XIRP2: variants seen among roughly 807,000 people sequenced by gnomAD.
XIRP2 encodes the protein xin actin-binding repeat-containing protein 2.
Under a neutral mutation model 277.0 loss-of-function variants are expected in XIRP2, and 236 were observed. The ratio of observed to expected loss-of-function variants is 0.85; its 90% confidence interval spans 0.77 to 0.95. The LOEUF is 0.95. Among genes scored for constraint, XIRP2 ranks in the 40% least tolerant of loss-of-function variants. The probability of loss-of-function intolerance (pLI) is 0.00; values close to 1 mark genes in which losing one functional copy is unlikely to be tolerated. For missense variants in XIRP2, 4,640 were observed against 4,157.5 expected (o/e 1.12, Z -3.19); for synonymous variants, 1,490 against 1,416.5 (o/e 1.05, Z -1.17).
At chr2:167,175,507 A>G (rs1692814674) in intron 3 of XIRP2, among the ~76,000 whole-genome samples, 1 of 152,018 alleles carries the variant, frequency 6.6e-6, no homozygotes, top group African/African-American at 2.4e-5. Context: ...CTTCCTCTGG[A>G]AGCTTCATCC....
At chr2:166,974,894 C>A (rs1686670669) in intron 2 of XIRP2, among the ~76,000 whole-genome samples, 1 of 151,898 alleles carries the variant, frequency 6.6e-6, no homozygotes, top group South Asian at 2.1e-4. Context: ...CTAAATGAAT[C>A]CTATTTTAAA....
intron 2 of XIRP2, among the ~76,000 whole-genome samples, chr2:166,937,514 T>C (rs1423526580): frequency 6.6e-6 from 1 of 152,194 alleles, no homozygotes; most frequent in African/African-American, 2.4e-5. Flanking sequence ...TTTTTGAGGA[T>C]TTTTGCATCG....
At chr2:167,201,845 T>G (rs1693730002) in intron 3 of XIRP2, among the ~76,000 whole-genome samples, 1 of 152,186 alleles carries the variant, frequency 6.6e-6, no homozygotes, top group African/African-American at 2.4e-5. Context: ...AATGTTATAT[T>G]TTAATGAAAA....
intron 2 of XIRP2, among the ~76,000 whole-genome samples, chr2:167,014,110 T>A (rs80329671): frequency 0.019 from 2,942 of 151,660 alleles, 98 homozygotes; most frequent in African/African-American, 0.067. Flanking sequence ...GATGCTCTTA[T>A]CCCCCTCTTT....
At chr2:167,083,669 A>G (rs550041457) in intron 2 of XIRP2, among the ~76,000 whole-genome samples, 28 of 152,222 alleles carry the variant, frequency 1.8e-4, no homozygotes, top group African/African-American at 6.5e-4. Context: ...CATCCCTTGT[A>G]AGTTGGATTC....
At chr2:167,226,732 A>T (rs1351637416) in intron 5 of XIRP2, among the ~76,000 whole-genome samples, 1 of 152,034 alleles carries the variant, frequency 6.6e-6, no homozygotes, top group Non-Finnish European at 1.5e-5. Flanking sequence ...TGCTACAGGG[A>T]TGTAGTGGTA....
intron 3 of XIRP2, among the ~76,000 whole-genome samples, chr2:167,180,360 T>C (rs1692978189): frequency 6.6e-6 from 1 of 152,140 alleles, no homozygotes; most frequent in African/African-American, 2.4e-5. Flanking sequence ...TATTAATCCT[T>C]ATCTAGGTCT....
Position 167,258,169 on chromosome 2 carries a change from T to C in XIRP2, c.*352T>C, listed in dbSNP as rs183508424. On this transcript the variant is annotated 3_prime_UTR_variant, in exon 11 of 11. Transcript: ENST00000409195. ...GAAAATTAAAAGTCATTTGGCCTCC[T>C]TCCAAGGAGATCCCTAAGAAAACCT... is the stretch of plus-strand genomic sequence containing the variant. 1.8e-4 allele frequency: 296 copies of C among 1,613,000 alleles called. No individual in the cohort carries two copies. In the African/African-American group the frequency reaches 3.7e-3, roughly 20 times the overall value.
At chr2:166,945,178 A>G (rs984920052) in intron 2 of XIRP2, among the ~76,000 whole-genome samples, 2 of 152,162 alleles carry the variant, frequency 1.3e-5, no homozygotes, top group African/African-American at 4.8e-5. Context: ...TTTGGAATAT[A>G]GTAGGTTACC....
intron 2 of XIRP2, among the ~76,000 whole-genome samples, chr2:167,097,376 T>G (rs1469012730): frequency 2.6e-5 from 4 of 152,158 alleles, no homozygotes; most frequent in East Asian, 3.9e-4. Flanking sequence ...CCCCTGCTTT[T>G]TTTTGTTTTG....
chr2:167,155,237 C>T (rs1692150524), intron 3 of XIRP2, among the ~76,000 whole-genome samples: 1 of 151,772 alleles, frequency 6.6e-6, no homozygotes, highest in African/African-American at 2.4e-5. Flanking sequence ...TCCTCCCTAA[C>T]TCATTTTATG....
Position 167,244,106 on chromosome 2 carries a change from A to T in XIRP2, c.2714A>T (p.Glu905Val). 1 of 1,613,988 alleles carries T rather than the reference A, an allele frequency of 6.2e-7. No individual in the cohort carries two copies. Among genetic ancestry groups the T allele is most frequent in the South Asian group, 1.1e-5 (1 of 91,078 alleles). The part of the protein sequence containing the change: ...KLQKITASEE[E>V]KGDVRHQKWI... ...CAAAAAATCACTGCCTCTGAAGAAG[A>T]AAAAGGGGATGTTAGGCATCAAAAA... Residue 905 changes from glutamate (E) to valine (V), a missense_variant, in exon 9 of 11, where the codon GAA (glutamate) becomes GTA (valine). Physicochemically the swap from Glu to Val is moderately radical, Grantham distance 121. Coordinates refer to ENST00000409195, the MANE Select transcript of XIRP2 (RefSeq NM_152381.6).
chr2:166,942,088 CTGTATCTA>C (rs1685736682), intron 2 of XIRP2, among the ~76,000 whole-genome samples: 1 of 152,300 alleles, frequency 6.6e-6, no homozygotes, highest in East Asian at 1.9e-4. Context: ...CCTCACCTTT[CTGTATCTA>C]TGTCAGTACA....
At chr2:167,030,471 A>T (rs1205705657) in intron 2 of XIRP2, among the ~76,000 whole-genome samples, 1 of 152,048 alleles carries the variant, frequency 6.6e-6, no homozygotes, top group Non-Finnish European at 1.5e-5. Context: ...TTTGTTATGT[A>T]CCCAGTAGTC....
chr2:167,170,246 T>C (rs1485128170), intron 3 of XIRP2, among the ~76,000 whole-genome samples: 3 of 152,150 alleles, frequency 2.0e-5, no homozygotes, highest in Non-Finnish European at 4.4e-5. Flanking sequence ...TCAGGAGAAA[T>C]ATTGGTCTTT....
In XIRP2 at chr2:167,249,633, A is replaced by G. The variant is rs201269918; in HGVS notation, c.8241A>G (p.Gln2747=). Residue 2747 remains glutamine (Q), a synonymous_variant, in exon 9 of 11, where the codon CAA becomes CAG. Transcript: ENST00000409195. The part of the protein sequence containing the change: ...EIDVQTFTKK[Q]YLKTKKTEAS... Reference sequence around the variant, plus strand: ...ATGTTCAAACCTTTACCAAAAAACAATATCTGAAAACCAAGAAAACTGAAG... The same window carrying G: ...ATGTTCAAACCTTTACCAAAAAACAGTATCTGAAAACCAAGAAAACTGAAG... 777 of 1,613,628 alleles carry G rather than the reference A, an allele frequency of 4.8e-4. 6 individuals are homozygous for G. Among genetic ancestry groups the G allele is most frequent in the South Asian group, 4.8e-3 (435 of 91,078 alleles).
chr2:167,204,243 T>G (rs1191744254), intron 3 of XIRP2, among the ~76,000 whole-genome samples: 1 of 152,226 alleles, frequency 6.6e-6, no homozygotes, highest in Non-Finnish European at 1.5e-5. Flanking sequence ...ACCTTAGAAT[T>G]TATTTTGTGT....
intron 3 of XIRP2, among the ~76,000 whole-genome samples, chr2:167,183,462 T>C (rs1401751078): frequency 6.6e-6 from 1 of 152,190 alleles, no homozygotes; most frequent in Non-Finnish European, 1.5e-5. Context: ...TACCCATGCT[T>C]TCTATTGTTT....
At chr2:167,222,479 C>T (rs1160699119) in intron 5 of XIRP2, among the ~76,000 whole-genome samples, 2 of 152,160 alleles carry the variant, frequency 1.3e-5, no homozygotes, top group African/African-American at 4.8e-5. Flanking sequence ...TTCATAACAA[C>T]CATTAATGCT....
Sources: allele counts gnomAD v4.1 joint callset (sites outside exome capture counted in the v4.1 genomes callset), GRCh38; gene constraint gnomAD v4.1.1; transcripts MANE v1.5; gene names NCBI Gene and HGNC (gene_info 2026-07-23, HGNC 2026-07-21).